Variants in TUSC3 observed in about 807,000 individuals in gnomAD.
TUSC3 encodes tumor suppressor candidate 3, also known as dolichyl-diphosphooligosaccharide--protein glycosyltransferase subunit TUSC3.
A neutral mutation model predicts 44.8 loss-of-function variants in TUSC3; 45 were observed. That is an observed-to-expected ratio of 1.00 (90% CI 0.79 to 1.29). The LOEUF is 1.29. TUSC3 is among the 50% of genes most tolerant of loss of function. The probability of loss-of-function intolerance (pLI) is 0.00; values close to 1 mark genes in which losing one functional copy is unlikely to be tolerated. For synonymous variants in TUSC3, 212 were observed against 152.9 expected, an observed-to-expected ratio of 1.39 and a Z score of -2.85; for missense variants, 519 against 437.9, an observed-to-expected ratio of 1.19 and a Z score of -1.65.
downstream of TUSC3, among the ~76,000 whole-genome samples, chr8:15,767,226 A>G (rs1212292368): frequency 6.6e-6 from 1 of 152,124 alleles, no homozygotes; most frequent in Non-Finnish European, 1.5e-5. Context: ...TGTCTGAAAT[A>G]CATGCATATA....
the TUSC3 span, among the ~76,000 whole-genome samples, chr8:15,848,633 C>G: frequency 6.6e-6 from 1 of 152,234 alleles, no homozygotes; most frequent in South Asian, 2.1e-4. Context: ...GGTGATCTGT[C>G]TTATGGACTC....
chr8:15,460,352 T>G (rs1250034848), intron 1 of TUSC3, among the ~76,000 whole-genome samples: 1 of 152,202 alleles, frequency 6.6e-6, no homozygotes, highest in Admixed American at 6.5e-5. Flanking sequence ...GAGAATTACC[T>G]ATTCATGTTA....
chr8:15,681,378 G>A (rs1411644803), intron 6 of TUSC3, among the ~76,000 whole-genome samples: 1 of 151,648 alleles, frequency 6.6e-6, no homozygotes, highest in African/African-American at 2.4e-5. Context: ...CAGGGTTTCA[G>A]TTTCTTCCTG....
Position 15,764,276 on chromosome 8 carries a change from T to A in TUSC3, c.*120T>A. 6.5e-7 allele frequency: 1 copy of A among 1,547,962 alleles called. No homozygotes were observed. Among genetic ancestry groups the A allele is most frequent in the Non-Finnish European group, 8.9e-7 (1 of 1,124,278 alleles). ...ACCATGAAGATAAACTGTTCCTGAC[T>A]TTATACTATTTTGAATTCATTCATT... On this transcript the variant is annotated 3_prime_UTR_variant, in exon 11 of 11. Transcript: ENST00000503731.
chr8:15,836,521 T>C, the TUSC3 span, among the ~76,000 whole-genome samples: 43 of 151,728 alleles, frequency 2.8e-4, no homozygotes, highest in African/African-American at 9.7e-4. Context: ...TAGACATATA[T>C]AAAATACATG....
intron 1 of TUSC3, among the ~76,000 whole-genome samples, chr8:15,576,576 C>A (rs1036962090): frequency 4.1e-5 from 6 of 145,932 alleles, no homozygotes; most frequent in African/African-American, 1.6e-4. Flanking sequence ...GTTTTTTGTT[C>A]TTGTGATAGT....
chr8:15,647,024 T>A (rs1806663675), intron 2 of TUSC3, among the ~76,000 whole-genome samples: 1 of 152,142 alleles, frequency 6.6e-6, no homozygotes. Flanking sequence ...AGCAGACATC[T>A]TCTTCCCCAT....
chr8:15,839,945 C>T, the TUSC3 span, among the ~76,000 whole-genome samples: 11 of 152,284 alleles, frequency 7.2e-5, no homozygotes, highest in African/African-American at 2.6e-4. Context: ...TACTGTGGCA[C>T]TACTCACAAT....
At chr8:15,697,434 C>T (rs1034792343) in intron 6 of TUSC3, among the ~76,000 whole-genome samples, 2 of 152,140 alleles carry the variant, frequency 1.3e-5, no homozygotes, top group African/African-American at 4.8e-5. Flanking sequence ...GAACTTTCCT[C>T]CTTGCACAGC....
At chr8:15,654,579 T>C (rs1230609672) in intron 3 of TUSC3, among the ~76,000 whole-genome samples, 2 of 152,250 alleles carry the variant, frequency 1.3e-5, no homozygotes, top group Middle Eastern at 3.4e-3. Context: ...TAAAAAAGGT[T>C]TATGAAAATA....
chr8:15,745,546 G>T (rs1022640456), intron 8 of TUSC3, among the ~76,000 whole-genome samples: 1 of 151,876 alleles, frequency 6.6e-6, no homozygotes, highest in Non-Finnish European at 1.5e-5. Context: ...GCATTTCTCT[G>T]CTGAGTAATG....
chr8:15,442,618 C>G (rs1044627580), intron 1 of TUSC3, among the ~76,000 whole-genome samples: 2 of 152,142 alleles, frequency 1.3e-5, no homozygotes, highest in African/African-American at 4.8e-5. Flanking sequence ...TGATGTTTCT[C>G]TTAGTAATTT....
At chr8:15,589,132 C>T (rs1169665277) in intron 1 of TUSC3, among the ~76,000 whole-genome samples, 1 of 152,124 alleles carries the variant, frequency 6.6e-6, no homozygotes, top group Non-Finnish European at 1.5e-5. Flanking sequence ...ATAGCTACTC[C>T]TACACCCTTT....
At chr8:15,755,774 A>G (rs961133239) in intron 9 of TUSC3, among the ~76,000 whole-genome samples, 3 of 152,208 alleles carry the variant, frequency 2.0e-5, no homozygotes. Flanking sequence ...TCAGAAAGGA[A>G]GAAATATGAT....
At chr8:15,572,890 A>G (rs779939051) in intron 1 of TUSC3, among the ~76,000 whole-genome samples, 4 of 152,088 alleles carry the variant, frequency 2.6e-5, no homozygotes, top group Non-Finnish European at 4.4e-5. Context: ...CCCCAAAACA[A>G]TCACAAAAGT....
At chr8:15,563,591 C>T (rs1376151587) in intron 1 of TUSC3, among the ~76,000 whole-genome samples, 1 of 147,000 alleles carries the variant, frequency 6.8e-6, no homozygotes, top group Non-Finnish European at 1.5e-5. Flanking sequence ...GAGGCTGAGG[C>T]AGAAGAATTG....
intron 2 of TUSC3, among the ~76,000 whole-genome samples, chr8:15,483,902 C>G (rs1443335275): frequency 6.6e-6 from 1 of 151,650 alleles, no homozygotes; most frequent in Non-Finnish European, 1.5e-5. Flanking sequence ...CGTGATCCAC[C>G]CACCTTGGCC....
chr8:15,758,908 A>G (rs1373740138), intron 10 of TUSC3, among the ~76,000 whole-genome samples: 1 of 152,114 alleles, frequency 6.6e-6, no homozygotes, highest in Non-Finnish European at 1.5e-5. Flanking sequence ...CTCTCAATAA[A>G]GGCCTAGATT....
intron 5 of TUSC3, among the ~76,000 whole-genome samples, 168 bp downstream of exon 5, chr8:15,662,464 A>G (rs1807466401): frequency 7.1e-6 from 1 of 141,740 alleles, no homozygotes; most frequent in African/African-American, 2.6e-5. Context: ...GTCAATCAAA[A>G]CTGTGCTATC....
Sources: allele counts gnomAD v4.1 joint callset (sites outside exome capture counted in the v4.1 genomes callset), GRCh38; gene constraint gnomAD v4.1.1; transcripts MANE v1.5; gene names NCBI Gene and HGNC (gene_info 2026-07-23, HGNC 2026-07-21).